The following SLC24A3 variants were observed in gnomAD, a reference collection of about 807,000 sequenced individuals.
SLC24A3 encodes sodium/potassium/calcium exchanger 3.
A neutral mutation model predicts 75.8 loss-of-function variants in SLC24A3; 28 were observed. The observed-to-expected ratio is 0.37, with a 90% CI of 0.27 to 0.51. The LOEUF (loss-of-function observed/expected upper bound fraction) is 0.51. SLC24A3 is among the 20% of genes least tolerant of loss of function. The pLI, the probability that SLC24A3 is intolerant of heterozygous loss-of-function variation, is 0.94. For synonymous variants in SLC24A3, 372 were observed against 334.1 expected, an observed-to-expected ratio of 1.11 and a Z score of -1.24; for missense variants, 663 against 847.8, an observed-to-expected ratio of 0.78 and a Z score of 2.71.
chr20:19,305,774 T>C lies in SLC24A3; in HGVS notation c.271+24687T>C, dbSNP rs555074625. Among the ~76,000 whole-genome samples the C allele has an allele frequency of 4.6e-4, 70 of 152,128 alleles. 1 individual carries two copies. Among genetic ancestry groups the C allele is most frequent in the African/African-American group, 1.6e-3 (68 of 41,506 alleles). On this transcript the variant is annotated intron_variant, in intron 2 of 16. Transcript: ENST00000328041. The stretch of plus-strand genomic sequence containing the variant: ...TAACCAAGACCTCAAACAATAAAAA[T>C]CCTAGAAGAAAACCTAGGAAATATC...
intron 2 of SLC24A3, among the ~76,000 whole-genome samples, chr20:19,381,311 A>G (rs1986176589): frequency 6.6e-6 from 1 of 152,228 alleles, no homozygotes; most frequent in African/African-American, 2.4e-5. Flanking sequence ...GAATAAACAA[A>G]TAAAATTAAA....
At chr20:19,364,181 G>C (rs1184474717) in intron 2 of SLC24A3, among the ~76,000 whole-genome samples, 2 of 152,130 alleles carry the variant, frequency 1.3e-5, no homozygotes, top group Non-Finnish European at 2.9e-5. Flanking sequence ...TCAGTTACCT[G>C]CAGATCACCA....
chr20:19,716,169 C>G (rs533530890), intron 15 of SLC24A3, among the ~76,000 whole-genome samples: 1 of 152,100 alleles, frequency 6.6e-6, no homozygotes, highest in African/African-American at 2.4e-5. Flanking sequence ...GAGCTGCTGC[C>G]GCTGCTGGCC....
chr20:19,225,332 T>G (rs1462460013), intron 1 of SLC24A3, among the ~76,000 whole-genome samples: 4 of 152,182 alleles, frequency 2.6e-5, no homozygotes, highest in African/African-American at 9.6e-5. Context: ...TTCCACAGTT[T>G]GGTTGTTTGA....
At chr20:19,453,270 A>C (rs2143504) in intron 2 of SLC24A3, among the ~76,000 whole-genome samples, 16,139 of 152,078 alleles carry the variant, frequency 0.11, 2,183 homozygotes, top group African/African-American at 0.32. Context: ...GGATTGTTTG[A>C]GCCCAGGAGT....
intron 3 of SLC24A3, among the ~76,000 whole-genome samples, chr20:19,548,010 C>A (rs1233626370): frequency 6.6e-6 from 1 of 152,210 alleles, no homozygotes; most frequent in Non-Finnish European, 1.5e-5. Context: ...TTTTAGAGTT[C>A]TTCTTCTGAC....
chr20:19,609,941 T>C (rs996765226), intron 6 of SLC24A3, among the ~76,000 whole-genome samples: 5 of 136,666 alleles, frequency 3.7e-5, no homozygotes, highest in African/African-American at 1.2e-4. Flanking sequence ...CTTTCATTCA[T>C]CTTAGGTTTA....
chr20:19,436,930 A>G (rs916673654), intron 2 of SLC24A3, among the ~76,000 whole-genome samples: 18 of 152,198 alleles, frequency 1.2e-4, no homozygotes, highest in African/African-American at 4.3e-4. Context: ...GCCCCCATTG[A>G]TGAGAAAGCT....
At position 19,721,238 on chromosome 20, in the gene SLC24A3, C is replaced by T. The variant is rs982808435; in HGVS notation, c.*98C>T. ...CACAGGCCCCCGGGGCCACGGCGTT[C>T]GTCTCTCCTGTGCTGTCCTCAGGCC... On this transcript the variant is annotated 3_prime_UTR_variant, in exon 17 of 17. Coordinates refer to ENST00000328041, the MANE Select transcript of SLC24A3 (RefSeq NM_020689.4). The T allele has an allele frequency of 5.3e-6, 8 of 1,497,762 alleles. No homozygotes were observed. The highest frequency in any genetic ancestry group is 2.5e-5 in the South Asian group (2 of 79,682). 92.8% of individuals were successfully genotyped at this position (1,497,762 alleles called of 1,614,324 possible). A position where few individuals can be genotyped will look rare whatever the true frequency, so the allele number is the denominator to read the frequency against.
At chr20:19,628,202 C>CAAA (rs776701707) in intron 6 of SLC24A3, among the ~76,000 whole-genome samples, 28 of 51,768 alleles carry the variant, frequency 5.4e-4, no homozygotes, top group South Asian at 1.8e-3. Context: ...GACTCCATCT[C>CAAA]AAAAAAAAAA....
intron 2 of SLC24A3, among the ~76,000 whole-genome samples, chr20:19,415,453 G>C (rs985341797): frequency 3.3e-5 from 5 of 152,132 alleles, no homozygotes; most frequent in African/African-American, 1.2e-4. Flanking sequence ...CTATAGAAAA[G>C]TTGAGGTGGA....
chr20:19,429,660 C>T (rs890396932), intron 2 of SLC24A3, among the ~76,000 whole-genome samples: 4 of 152,120 alleles, frequency 2.6e-5, no homozygotes, highest in East Asian at 3.9e-4. Flanking sequence ...GGATTATCTT[C>T]GAAGCCCTGA....
At chr20:19,552,969 A>C (rs1376780281) in intron 3 of SLC24A3, among the ~76,000 whole-genome samples, 1 of 151,878 alleles carries the variant, frequency 6.6e-6, no homozygotes, top group African/African-American at 2.4e-5. Context: ...CAAGGTTTGC[A>C]AGGTCCCCAG....
chr20:19,505,802 G>A (rs1162512046), intron 2 of SLC24A3, among the ~76,000 whole-genome samples: 1 of 152,186 alleles, frequency 6.6e-6, no homozygotes. Context: ...CTGGGCAGGG[G>A]AACCTTTCTC....
chr20:19,651,658 G>A lies in SLC24A3; in HGVS notation c.613-2404G>A, dbSNP rs1323689133. Reference sequence around the variant, plus strand: ...GTGGATCACAAGGTCAGGAGATCGAGACCATCCTGGCTAACACGGTGAAAC... The same window carrying A: ...GTGGATCACAAGGTCAGGAGATCGAAACCATCCTGGCTAACACGGTGAAAC... On this transcript the variant is annotated intron_variant, in intron 6 of 16. Coordinates refer to ENST00000328041, the MANE Select transcript of SLC24A3 (RefSeq NM_020689.4). Among the ~76,000 whole-genome samples the A allele has an allele frequency of 4.6e-5, 7 of 151,988 alleles. No individual in the cohort carries two copies. The South Asian group carries it at 1.5e-3, about 32-fold the overall frequency.
intron 3 of SLC24A3, among the ~76,000 whole-genome samples, chr20:19,544,808 A>T (rs2030560467): frequency 6.6e-6 from 1 of 152,164 alleles, no homozygotes; most frequent in South Asian, 2.1e-4. Flanking sequence ...GACAGAAAGA[A>T]AGGGAGCGGA....
At chr20:19,213,307 A>T (rs1432477624) in intron 1 of SLC24A3, 2 of 174,992 alleles carry the variant, frequency 1.1e-5, no homozygotes, top group Non-Finnish European at 2.4e-5. Context: ...ACTCTCCATC[A>T]GCCCCCAAGG....
At chr20:19,417,022 A>G (rs1395048904) in intron 2 of SLC24A3, among the ~76,000 whole-genome samples, 1 of 152,202 alleles carries the variant, frequency 6.6e-6, no homozygotes, top group Non-Finnish European at 1.5e-5. Flanking sequence ...AAGAATAAAC[A>G]GGAATTAGAC....
At chr20:19,637,175 C>T (rs971298904) in intron 6 of SLC24A3, among the ~76,000 whole-genome samples, 1 of 152,216 alleles carries the variant, frequency 6.6e-6, no homozygotes, top group Non-Finnish European at 1.5e-5. Context: ...GCGGTGCATG[C>T]CTGTAATCCC....
Sources: allele counts gnomAD v4.1 joint callset (sites outside exome capture counted in the v4.1 genomes callset), GRCh38; gene constraint gnomAD v4.1.1; transcripts MANE v1.5; gene names NCBI Gene and HGNC (gene_info 2026-07-23, HGNC 2026-07-21).